Variants in KIAA0232 observed in about 807,000 individuals in gnomAD.
KIAA0232 encodes the protein uncharacterized protein KIAA0232.
In KIAA0232, 27 loss-of-function variants were observed where a neutral mutation model predicts 122.0. That is an observed-to-expected ratio of 0.22 (90% CI 0.16 to 0.31). The LOEUF (loss-of-function observed/expected upper bound fraction) is 0.31, where lower values mean the gene tolerates loss of function less well. Among genes scored for constraint, KIAA0232 ranks in the 10% least tolerant of loss-of-function variants. KIAA0232 has a pLI of 1.00. For synonymous variants in KIAA0232, 613 were observed against 587.6 expected (o/e 1.04, Z -0.63); for missense variants, 1,551 against 1,634.2 (o/e 0.95, Z 0.88).
chr4:6,792,739 T>G (rs936718536), intron 1 of KIAA0232, among the ~76,000 whole-genome samples: 5 of 149,580 alleles, frequency 3.3e-5, no homozygotes, highest in Non-Finnish European at 5.9e-5. Flanking sequence ...GCCCAGGCTG[T>G]AGTGCAATGG....
chr4:6,812,531 G>A (rs1447417063), intron 2 of KIAA0232, among the ~76,000 whole-genome samples: 1 of 152,056 alleles, frequency 6.6e-6, no homozygotes, highest in East Asian at 1.9e-4. Context: ...AAAAACACTA[G>A]TTAATAAGCA....
At chr4:6,833,642 A>G (rs1719111671) in intron 3 of KIAA0232, among the ~76,000 whole-genome samples, 1 of 152,216 alleles carries the variant, frequency 6.6e-6, no homozygotes, top group Admixed American at 6.5e-5. Flanking sequence ...AAAAAAGGAA[A>G]AAAAGAAAAA....
intron 1 of KIAA0232, among the ~76,000 whole-genome samples, chr4:6,801,392 G>GA (rs1717377350): frequency 6.6e-6 from 1 of 152,226 alleles, no homozygotes; most frequent in African/African-American, 2.4e-5. Flanking sequence ...ATAGGAGACT[G>GA]AAAAGATGCC....
chr4:6,864,476 C>T (rs181770050), intron 7 of KIAA0232, among the ~76,000 whole-genome samples: 1 of 152,072 alleles, frequency 6.6e-6, no homozygotes, highest in African/African-American at 2.4e-5. Context: ...CAGTGGCTCA[C>T]GCCTGTAATC....
intron 4 of KIAA0232, among the ~76,000 whole-genome samples, chr4:6,854,013 G>C (rs548707029): frequency 6.6e-6 from 1 of 152,280 alleles, no homozygotes; most frequent in South Asian, 2.1e-4. Context: ...GAAGGAGCAG[G>C]CCATGAAGTC....
At chr4:6,859,447 G>A (rs1457720129) in intron 6 of KIAA0232, among the ~76,000 whole-genome samples, 3 of 152,154 alleles carry the variant, frequency 2.0e-5, no homozygotes, top group Admixed American at 6.5e-5. Flanking sequence ...GGTTCAAACC[G>A]TGATGTGCTG....
In KIAA0232 at chr4:6,855,876, C is replaced by G; in HGVS notation, c.370-1288C>G. 1 of 985,094 alleles carries G rather than the reference C, an allele frequency of 1.0e-6. No homozygotes were observed. The allele number at this position is 985,094 out of a possible 1,614,324, so 61.0% of individuals were successfully genotyped here. On this transcript the variant is annotated intron_variant, in intron 4 of 9. Transcript: ENST00000307659. The surrounding 1 kb of genome is among the most constrained non-coding windows in gnomAD (Gnocchi z 4.3). ...AAGGAAATGGAATATAATTGCCGTC[C>G]TTGTCACACCTTGAGCATTATGGTA...
Position 6,864,427 on chromosome 4 carries a change from C to T in KIAA0232, c.3801+244C>T, listed in dbSNP as rs546678639. ...TTTAAAAATCACAGGATGTAAGATTCCTATGTGTTGTCTTAAGATGCATGT... is the reference window on the plus strand; with the variant it reads ...TTTAAAAATCACAGGATGTAAGATTTCTATGTGTTGTCTTAAGATGCATGT... On this transcript the variant is annotated intron_variant, in intron 7 of 9. Transcript: ENST00000307659. Among the ~76,000 whole-genome samples, 8 of 152,100 alleles carry T rather than the reference C, an allele frequency of 5.3e-5. No individual in the cohort carries two copies. In the South Asian group the frequency reaches 1.7e-3, roughly 32 times the overall value.
intron 3 of KIAA0232, among the ~76,000 whole-genome samples, chr4:6,839,103 G>A (rs1041766094): frequency 1.3e-5 from 2 of 152,142 alleles, no homozygotes; most frequent in Non-Finnish European, 2.9e-5. Context: ...TCCAGCCTGG[G>A]TTACAGAGCA....
At chr4:6,797,378 C>G (rs1577355962) in intron 1 of KIAA0232, among the ~76,000 whole-genome samples, 1 of 152,154 alleles carries the variant, frequency 6.6e-6, no homozygotes, top group East Asian at 1.9e-4. Context: ...GCCTCCAGGC[C>G]TGTTGGGACA....
At chr4:6,837,159 G>A (rs899740046) in intron 3 of KIAA0232, among the ~76,000 whole-genome samples, 11 of 151,798 alleles carry the variant, frequency 7.2e-5, no homozygotes, top group Non-Finnish European at 1.0e-4. Context: ...CGAACGGGCC[G>A]GCTGGCGGGG....
chr4:6,787,826 A>G (rs1290553115), intron 1 of KIAA0232, among the ~76,000 whole-genome samples: 1 of 152,164 alleles, frequency 6.6e-6, no homozygotes, highest in Non-Finnish European at 1.5e-5. Flanking sequence ...AGAGGTTCTC[A>G]ACATTTCCCT....
Position 6,863,345 on chromosome 4 carries a change from A to G in KIAA0232, c.2963A>G (p.Gln988Arg). 6.2e-7 allele frequency: 1 copy of G among 1,614,206 alleles called. No homozygotes were observed. The highest frequency in any genetic ancestry group is 8.5e-7 in the Non-Finnish European group (1 of 1,180,024). Residue 988 changes from glutamine to arginine, a missense_variant, in exon 7 of 10, where the codon CAG becomes CGG. Transcript: ENST00000307659. ...AACAGTTTTGCTCCTGGGCACAGGC[A>G]GTTATGGAAACCCTTCGTGTCATTT... The part of the protein sequence containing the change: ...PGNSFAPGHR[Q>R]LWKPFVSFEQ...
chr4:6,800,278 G>A (rs1156604352), intron 1 of KIAA0232, among the ~76,000 whole-genome samples: 15 of 148,496 alleles, frequency 1.0e-4, no homozygotes, highest in Admixed American at 9.3e-4. Context: ...GGCTGGTCTC[G>A]AACTCCTGAC....
At chr4:6,876,156 G>C (rs1040407452) in intron 8 of KIAA0232, among the ~76,000 whole-genome samples, 2 of 152,194 alleles carry the variant, frequency 1.3e-5, no homozygotes, top group Non-Finnish European at 2.9e-5. Flanking sequence ...ACATGGTTCA[G>C]TATGTTGTTG....
Position 6,842,478 on chromosome 4 carries a change from T to A in KIAA0232, c.369+274T>A, listed in dbSNP as rs1719715903. The stretch of plus-strand genomic sequence containing the variant: ...CGACTATTTCATCCTGTTATTACAT[T>A]GTCTTTATTCTTTTTAGTGGCTAAG... On this transcript the variant is annotated intron_variant, in intron 4 of 9. Coordinates refer to ENST00000307659, the MANE Select transcript of KIAA0232 (RefSeq NM_014743.3). Among the ~76,000 whole-genome samples the A allele has an allele frequency of 2.0e-5, 3 of 152,284 alleles. No homozygotes were observed. The East Asian group carries it at 5.8e-4, about 29-fold the overall frequency.
intron 1 of KIAA0232, among the ~76,000 whole-genome samples, chr4:6,798,611 G>T (rs907647721): frequency 6.6e-6 from 1 of 152,200 alleles, no homozygotes; most frequent in African/African-American, 2.4e-5. Flanking sequence ...GAGTGCAGGG[G>T]TGTGATTATC....
intron 2 of KIAA0232, among the ~76,000 whole-genome samples, chr4:6,811,719 A>G (rs1171429551): frequency 8.4e-6 from 1 of 118,370 alleles, no homozygotes; most frequent in Admixed American, 8.8e-5. Context: ...TGCCGGGATT[A>G]TTGGTGTGAG....
At chr4:6,842,310 T>G (rs937530439) in intron 4 of KIAA0232, 106 bp downstream of exon 4, 5 of 1,115,264 alleles carry the variant, frequency 4.5e-6, no homozygotes, top group Non-Finnish European at 6.4e-6. Flanking sequence ...ACAAAGTACT[T>G]ATTTATTTTA....
Sources: allele counts gnomAD v4.1 joint callset (sites outside exome capture counted in the v4.1 genomes callset), GRCh38; gene constraint gnomAD v4.1.1; non-coding constraint Gnocchi (gnomAD v3.1); transcripts MANE v1.5; gene names NCBI Gene and HGNC (gene_info 2026-07-23, HGNC 2026-07-21).